Variants in SPIN1 observed in about 807,000 individuals in gnomAD.
The protein encoded by SPIN1 is spindlin-1.
In SPIN1, 3 loss-of-function variants were observed where a neutral mutation model predicts 26.0. That is an observed-to-expected ratio of 0.12 (90% CI 0.05 to 0.30). SPIN1 has a LOEUF of 0.30. Ranked by LOEUF, SPIN1 falls within the 10% of genes least tolerant of loss-of-function variation. SPIN1 has a pLI of 1.00. For synonymous variants in SPIN1, 101 were observed against 116.5 expected (o/e 0.87, Z 0.86); for missense variants, 126 against 333.4 (o/e 0.38, Z 4.84).
intron 3 of SPIN1, among the ~76,000 whole-genome samples, chr9:88,461,030 C>G (rs902705097): frequency 6.6e-5 from 10 of 152,172 alleles, no homozygotes; most frequent in African/African-American, 2.4e-4. Context: ...AAGATACTTT[C>G]GTATGTTGTC....
intron 1 of SPIN1, among the ~76,000 whole-genome samples, chr9:88,400,207 C>T (rs1474556954): frequency 1.3e-5 from 2 of 152,110 alleles, no homozygotes; most frequent in Non-Finnish European, 2.9e-5. Context: ...TTGCAGCAGG[C>T]CCCAGAGAGT....
At chr9:88,449,704 A>G (rs1828321191) in intron 3 of SPIN1, among the ~76,000 whole-genome samples, 1 of 152,162 alleles carries the variant, frequency 6.6e-6, no homozygotes, top group Non-Finnish European at 1.5e-5. Flanking sequence ...TCTATCCTAT[A>G]CTGATAACTA....
intron 1 of SPIN1, among the ~76,000 whole-genome samples, chr9:88,402,298 T>A (rs1228332855): frequency 1.3e-5 from 2 of 152,156 alleles, no homozygotes; most frequent in Non-Finnish European, 2.9e-5. Flanking sequence ...TCGTTGAGTA[T>A]TTGTCATTGC....
chr9:88,448,642 C>G (rs1304993811), intron 2 of SPIN1, among the ~76,000 whole-genome samples: 1 of 152,152 alleles, frequency 6.6e-6, no homozygotes, highest in Non-Finnish European at 1.5e-5. Context: ...GCCTCCACAC[C>G]AGGCTGACAC....
At chr9:88,427,973 C>T (rs1050244881) in intron 2 of SPIN1, among the ~76,000 whole-genome samples, 1 of 151,994 alleles carries the variant, frequency 6.6e-6, no homozygotes, top group African/African-American at 2.4e-5. Context: ...TAGGTAGTTG[C>T]CTGGCACTTT....
At chr9:88,408,170 C>T (rs1360439899) in intron 1 of SPIN1, among the ~76,000 whole-genome samples, 3 of 151,206 alleles carry the variant, frequency 2.0e-5, no homozygotes, top group African/African-American at 7.3e-5. Flanking sequence ...ATTCATCCTG[C>T]TTGGAATTCT....
chr9:88,445,710 C>T (rs563879754), intron 2 of SPIN1, among the ~76,000 whole-genome samples: 8 of 151,236 alleles, frequency 5.3e-5, no homozygotes, highest in South Asian at 2.1e-4. Flanking sequence ...TTTTTCCCCC[C>T]GTATTTTTGG....
chr9:88,467,464 T>G (rs546896459), intron 4 of SPIN1, among the ~76,000 whole-genome samples: 16 of 152,294 alleles, frequency 1.1e-4, no homozygotes, highest in African/African-American at 3.8e-4. Context: ...TGGGGCTACC[T>G]TGTTGGTCAG....
intron 1 of SPIN1, among the ~76,000 whole-genome samples, chr9:88,401,380 C>T (rs894184067): frequency 1.3e-5 from 2 of 152,200 alleles, no homozygotes; most frequent in African/African-American, 4.8e-5. Flanking sequence ...TTCATACAGC[C>T]ATCCCTCCAT....
At chr9:88,411,274 G>T in intron 1 of SPIN1, 1 of 1,183,824 alleles carries the variant, frequency 8.4e-7, no homozygotes, top group Non-Finnish European at 1.2e-6. Flanking sequence ...CCTCCACAGT[G>T]GCATATGTGA....
chr9:88,420,634 T>A (rs534209648), intron 1 of SPIN1, among the ~76,000 whole-genome samples: 167 of 152,370 alleles, frequency 1.1e-3, no homozygotes, highest in African/African-American at 3.9e-3. Context: ...TTATTTAACA[T>A]TCCATCTTAG....
At chr9:88,460,701 T>C (rs1828561986) in intron 3 of SPIN1, among the ~76,000 whole-genome samples, 1 of 151,922 alleles carries the variant, frequency 6.6e-6, no homozygotes, top group African/African-American at 2.4e-5. Flanking sequence ...GAAAAAGGGG[T>C]AAATTCCTCC....
chr9:88,466,728 T>TTTG (rs779792794), intron 4 of SPIN1, among the ~76,000 whole-genome samples: 4 of 152,106 alleles, frequency 2.6e-5, no homozygotes, highest in Admixed American at 6.5e-5. Flanking sequence ...GAGCTAATTG[T>TTTG]TTGTTGTTGT....
intron 1 of SPIN1, among the ~76,000 whole-genome samples, chr9:88,416,921 C>T (rs1239124179): frequency 6.6e-6 from 1 of 152,202 alleles, no homozygotes; most frequent in Non-Finnish European, 1.5e-5. Context: ...TCGCGCCCAG[C>T]CTTGAATGAA....
intron 3 of SPIN1, among the ~76,000 whole-genome samples, chr9:88,455,132 C>T (rs1035497702): frequency 1.3e-4 from 20 of 152,018 alleles, no homozygotes; most frequent in African/African-American, 4.1e-4. Flanking sequence ...AATTTCTTGC[C>T]GAATTAGTAT....
At chr9:88,471,394 G>A (rs1828780982) in intron 5 of SPIN1, among the ~76,000 whole-genome samples, 1 of 151,928 alleles carries the variant, frequency 6.6e-6, no homozygotes. Flanking sequence ...TTGTTGCGCG[G>A]TGGCTCACAC....
chr9:88,461,793 T>G (rs898121442), intron 3 of SPIN1, among the ~76,000 whole-genome samples: 1 of 152,222 alleles, frequency 6.6e-6, no homozygotes, highest in Non-Finnish European at 1.5e-5. Flanking sequence ...TTTATAAACA[T>G]TCTGTGTGGA....
chr9:88,407,178 C>T (rs984511896), intron 1 of SPIN1, among the ~76,000 whole-genome samples: 2 of 151,726 alleles, frequency 1.3e-5, no homozygotes, highest in African/African-American at 4.8e-5. Flanking sequence ...CACTCTGTTG[C>T]CCAGGCTTGA....
intron 1 of SPIN1, among the ~76,000 whole-genome samples, chr9:88,419,319 TTTAAA>T (rs941423774): frequency 6.6e-6 from 1 of 152,094 alleles, no homozygotes; most frequent in African/African-American, 2.4e-5. Flanking sequence ...CGTCACTCTC[TTTAAA>T]TTAGCCAATT....
Sources: gnomAD v4.1 joint callset for allele counts (sites outside exome capture counted in the v4.1 genomes callset) on GRCh38, gnomAD v4.1.1 for gene constraint, MANE v1.5 for transcripts, NCBI Gene and HGNC (gene_info 2026-07-23, HGNC 2026-07-21) for gene names.